Variants in LY9 observed in about 807,000 individuals in gnomAD.
LY9 encodes the protein lymphocyte antigen 9.
A neutral mutation model predicts 64.6 loss-of-function variants in LY9; 59 were observed. The observed-to-expected ratio is 0.91, with a 90% CI of 0.74 to 1.13. LY9 has a LOEUF of 1.13. LY9 is among the 50% of genes most tolerant of loss of function. The pLI is 0.00. For missense variants in LY9, 789 were observed against 797.2 expected (o/e 0.99, Z 0.12); for synonymous variants, 281 against 308.5 (o/e 0.91, Z 0.93).
At chr1:160,812,644 T>G (rs891202620) in intron 2 of LY9, 1 of 152,184 alleles carries the variant, frequency 6.6e-6, no homozygotes, top group Non-Finnish European at 1.5e-5. Context: ...TCTGGAAAGA[T>G]CAACAAGAAA....
At position 160,814,962 on chromosome 1, in the gene LY9, A is replaced by AGCT. The variant is rs1667830539; in HGVS notation, c.1072+201_1072+202insGCT. The AGCT allele has an allele frequency of 8.1e-5, 48 of 590,248 alleles. No homozygotes were observed. The Admixed American group carries it at 1.2e-3, about 15-fold the overall frequency. The allele number at this position is 590,248 out of a possible 1,614,324, so 36.6% of individuals were successfully genotyped here. On this transcript the variant is annotated intron_variant, in intron 4 of 9. Coordinates refer to ENST00000263285, the MANE Select transcript of LY9 (RefSeq NM_002348.4). ...AGCTGCTGGACAAGTCTACCCGCCA[A>AGCT]AGTGCCCCTGGCTCTAGGCTGCCAG...
chr1:160,797,708 G>A (rs482921), intron 1 of LY9, among the ~76,000 whole-genome samples: 43,611 of 151,980 alleles, frequency 0.29, 6,482 homozygotes, highest in South Asian at 0.46. Flanking sequence ...AAAGGCAGTC[G>A]AGTGAAAAGA....
intron 1 of LY9, chr1:160,797,241 C>T (rs1449996413): frequency 1.0e-6 from 1 of 985,412 alleles, no homozygotes; most frequent in African/African-American, 1.7e-5. Context: ...TTCTGTGCTC[C>T]CGCTTTCTCC....
chr1:160,796,201 A>G lies in LY9; in HGVS notation c.14A>G (p.Lys5Arg). ...AAATAGATCATCATGGTGGCACCAA[A>G]GAGTCACACAGATGACTGGGCTCCT... MVAP[K>R]SHTDDWAPGP... is the part of the protein sequence containing the mutation. Residue 5 changes from lysine to arginine, a missense_variant, in exon 1 of 10, where the codon AAG becomes AGG. Coordinates refer to ENST00000263285, the MANE Select transcript of LY9 (RefSeq NM_002348.4). The G allele has an allele frequency of 1.2e-6, 2 of 1,614,040 alleles. No homozygotes were observed. Among genetic ancestry groups the G allele is most frequent in the South Asian group, 1.1e-5 (1 of 91,070 alleles).
Position 160,798,060 on chromosome 1 carries a change from C to A in LY9, c.125-1693C>A, listed in dbSNP as rs559452442. On this transcript the variant is annotated intron_variant, in intron 1 of 9. Coordinates refer to ENST00000263285, the MANE Select transcript of LY9 (RefSeq NM_002348.4). ...GCAATTCAAAATAAAATGACTGGTACTGGGGACCTGTCATTGTACTGGGAG... is the reference window on the plus strand; with the variant it reads ...GCAATTCAAAATAAAATGACTGGTAATGGGGACCTGTCATTGTACTGGGAG... Among the ~76,000 whole-genome samples, 443 of 152,278 alleles carry A rather than the reference C, an allele frequency of 2.9e-3. 2 individuals are homozygous for A. The highest frequency in any genetic ancestry group is 0.01 in the African/African-American group (422 of 41,544).
intron 1 of LY9, 41 bp downstream of exon 1, chr1:160,796,352 T>G: frequency 6.3e-7 from 1 of 1,593,356 alleles, no homozygotes; most frequent in Non-Finnish European, 8.5e-7. Flanking sequence ...CTACTGCGGT[T>G]CTTCTGAGGC....
At chr1:160,812,018 GT>G (rs1326664518) in intron 2 of LY9, 20 of 152,210 alleles carry the variant, frequency 1.3e-4, no homozygotes, top group Non-Finnish European at 2.5e-4. Flanking sequence ...CAAAATCTGT[GT>G]TAGTTTTCTA....
At chr1:160,797,378 C>T in intron 1 of LY9, 2 of 714,864 alleles carry the variant, frequency 2.8e-6, no homozygotes, top group Non-Finnish European at 3.4e-6. Context: ...GGAGCCTAGA[C>T]CTCAGAGCTG....
chr1:160,807,511 A>T (rs1290117639), intron 2 of LY9, among the ~76,000 whole-genome samples: 4 of 152,176 alleles, frequency 2.6e-5, no homozygotes, highest in African/African-American at 9.7e-5. Context: ...GTTTATGCTT[A>T]TCAGCAGGTC....
chr1:160,801,502 CGTT>C (rs894584500), intron 2 of LY9, among the ~76,000 whole-genome samples: 1 of 152,156 alleles, frequency 6.6e-6, no homozygotes, highest in African/African-American at 2.4e-5. Flanking sequence ...CCATTCAACT[CGTT>C]GTCTCTTCAC....
chr1:160,801,881 C>T, intron 2 of LY9: 1 of 1,614,108 alleles, frequency 6.2e-7, no homozygotes, highest in East Asian at 2.2e-5. Context: ...TCATCAGCAC[C>T]CTGGCTGAGC....
intron 7 of LY9, among the ~76,000 whole-genome samples, chr1:160,820,382 C>T (rs1294644996): frequency 6.6e-6 from 1 of 152,034 alleles, no homozygotes; most frequent in African/African-American, 2.4e-5. Flanking sequence ...GAATCCCCAA[C>T]CTGTGCTCAC....
At chr1:160,821,943 T>A (rs2101829466) in intron 7 of LY9, among the ~76,000 whole-genome samples, 1 of 152,278 alleles carries the variant, frequency 6.6e-6, no homozygotes, top group Non-Finnish European at 1.5e-5. Flanking sequence ...AGTTTCCTCA[T>A]CTACAAAAAA....
rs545036811 is a variant in LY9, at chr1:160,817,415, C to A, written c.1342+552C>A. Among the ~76,000 whole-genome samples, 277 of 152,242 alleles carry A rather than the reference C, an allele frequency of 1.8e-3. 1 individual carries two copies. The highest frequency in any genetic ancestry group is 6.2e-3 in the African/African-American group (258 of 41,526). On this transcript the variant is annotated intron_variant, in intron 5 of 9. Transcript: ENST00000263285. ...CAATTTGGTGTCTCAGTAATACTAG[C>A]CACACTTCAAGGGCTTATGCATAGC...
At chr1:160,823,424 G>A (rs1377058015) in intron 7 of LY9, 41 bp from the exon 8 acceptor site, 1 of 1,478,426 alleles carries the variant, frequency 6.8e-7, no homozygotes, top group Admixed American at 1.8e-5. Flanking sequence ...AAGAGAGGTG[G>A]GGTTGGCATA....
At chr1:160,806,206 T>C (rs1384691349) in intron 2 of LY9, among the ~76,000 whole-genome samples, 4 of 152,182 alleles carry the variant, frequency 2.6e-5, no homozygotes, top group African/African-American at 9.7e-5. Context: ...TTTTCCTGTA[T>C]ACTGTTAATT....
intron 4 of LY9, 58 bp downstream of exon 4, chr1:160,814,819 T>C (rs770940611): frequency 4.3e-6 from 6 of 1,404,344 alleles, no homozygotes; most frequent in Non-Finnish European, 5.9e-6. Flanking sequence ...CTTTCTCCTC[T>C]GCTGCCTTCT....
At chr1:160,800,839 C>A (rs1247086987) in intron 2 of LY9, among the ~76,000 whole-genome samples, 1 of 152,166 alleles carries the variant, frequency 6.6e-6, no homozygotes. Context: ...GGATAATGGC[C>A]TCCAGTTTCA....
At chr1:160,802,321 G>A in intron 2 of LY9, 1 of 988,804 alleles carries the variant, frequency 1.0e-6, no homozygotes. Context: ...TTTCCTGGAT[G>A]TCCCCTGCAG....
Sources: allele counts gnomAD v4.1 joint callset (sites outside exome capture counted in the v4.1 genomes callset), GRCh38; gene constraint gnomAD v4.1.1; transcripts MANE v1.5; gene names NCBI Gene and HGNC (gene_info 2026-07-23, HGNC 2026-07-21).